ASAP1: variants seen among roughly 807,000 people sequenced by gnomAD.
ASAP1 encodes the protein ArfGAP with SH3 domain, ankyrin repeat and PH domain 1.
In ASAP1, 43 loss-of-function variants were observed where a neutral mutation model predicts 145.2. That is an observed-to-expected ratio of 0.30 (90% CI 0.23 to 0.38). The LOEUF (loss-of-function observed/expected upper bound fraction) is 0.38. ASAP1 is among the 10% of genes least tolerant of loss of function. The pLI is 1.00. For synonymous variants in ASAP1, 546 were observed against 515.5 expected (o/e 1.06, Z -0.80); for missense variants, 1,018 against 1,355.3 (o/e 0.75, Z 3.91).
At chr8:130,164,513 C>T (rs1031534211) in intron 11 of ASAP1, among the ~76,000 whole-genome samples, 2 of 152,154 alleles carry the variant, frequency 1.3e-5, no homozygotes, top group East Asian at 1.9e-4. Context: ...ATCACTTGAA[C>T]CTGGGAGGCA....
chr8:130,251,815 T>G (rs1179015895), intron 3 of ASAP1, among the ~76,000 whole-genome samples: 1 of 152,138 alleles, frequency 6.6e-6, no homozygotes, highest in Non-Finnish European at 1.5e-5. Context: ...AAATTCCACA[T>G]GGAACAATAA....
intron 24 of ASAP1, 23 bp from the exon 25 acceptor site, chr8:130,092,166 G>A: frequency 6.4e-7 from 1 of 1,558,554 alleles, no homozygotes; most frequent in East Asian, 2.5e-5. Context: ...TTGAATGGGG[G>A]CAGGAAGATT....
chr8:130,198,624 TGCTC>T (rs1053516654), intron 5 of ASAP1, among the ~76,000 whole-genome samples: 1 of 152,212 alleles, frequency 6.6e-6, no homozygotes, highest in African/African-American at 2.4e-5. Flanking sequence ...CTAAAGATAT[TGCTC>T]ACAACACCTC....
chr8:130,144,719 T>G (rs1252008147), intron 13 of ASAP1, among the ~76,000 whole-genome samples: 1 of 152,162 alleles, frequency 6.6e-6, no homozygotes, highest in Non-Finnish European at 1.5e-5. Flanking sequence ...GGGAAAAAGA[T>G]AAGTAGTGAT....
At chr8:130,216,145 T>C (rs1423488184) in intron 4 of ASAP1, among the ~76,000 whole-genome samples, 12 of 152,164 alleles carry the variant, frequency 7.9e-5, no homozygotes, top group Admixed American at 7.9e-4. Context: ...CAATCTTGGA[T>C]TGCAAAAGAA....
At chr8:130,060,136 G>A (rs962305739) in intron 28 of ASAP1, among the ~76,000 whole-genome samples, 1 of 146,660 alleles carries the variant, frequency 6.8e-6, no homozygotes, top group African/African-American at 2.6e-5. Context: ...CCAGAACCCC[G>A]AGAGGGAAAT....
chr8:130,153,790 AC>A (rs940824482), intron 12 of ASAP1, among the ~76,000 whole-genome samples: 3 of 152,168 alleles, frequency 2.0e-5, no homozygotes, highest in Non-Finnish European at 2.9e-5. Context: ...TAGGAAGGGG[AC>A]CCAAACCTGT....
At chr8:130,337,462 T>C (rs969193520) in intron 3 of ASAP1, among the ~76,000 whole-genome samples, 1 of 152,224 alleles carries the variant, frequency 6.6e-6, no homozygotes. Flanking sequence ...GAGAGCCCTG[T>C]TATAAACTGT....
chr8:130,063,545 C>G (rs965562190), intron 27 of ASAP1, among the ~76,000 whole-genome samples: 5 of 152,104 alleles, frequency 3.3e-5, no homozygotes, highest in Admixed American at 2.6e-4. Context: ...CAACTCTGGG[C>G]AGGAGAGAGA....
intron 26 of ASAP1, among the ~76,000 whole-genome samples, chr8:130,077,220 C>T (rs1797258696): frequency 6.6e-6 from 1 of 152,202 alleles, no homozygotes; most frequent in Admixed American, 6.5e-5. Context: ...GCCTTGCTTT[C>T]CTTTTGGAGG....
chr8:130,289,271 G>C (rs897013845), intron 3 of ASAP1, among the ~76,000 whole-genome samples: 1 of 152,010 alleles, frequency 6.6e-6, no homozygotes, highest in African/African-American at 2.4e-5. Flanking sequence ...ATGTTATAAT[G>C]AATAAGAAGG....
chr8:130,371,066 T>G (rs1827191925), intron 2 of ASAP1, among the ~76,000 whole-genome samples: 2 of 152,240 alleles, frequency 1.3e-5, no homozygotes, highest in Admixed American at 1.3e-4. Flanking sequence ...AATTTTAAAA[T>G]AACCACTATG....
At chr8:130,075,093 G>A (rs2097459347) in intron 27 of ASAP1, among the ~76,000 whole-genome samples, 1 of 152,228 alleles carries the variant, frequency 6.6e-6, no homozygotes, top group Non-Finnish European at 1.5e-5. Context: ...GCAGGCTGGA[G>A]AGGTAGGGTG....
chr8:130,319,167 C>T (rs185266643), intron 3 of ASAP1, among the ~76,000 whole-genome samples: 1 of 152,296 alleles, frequency 6.6e-6, no homozygotes, highest in Non-Finnish European at 1.5e-5. Flanking sequence ...GTGAAGAACA[C>T]TAAGATGGCA....
chr8:130,400,877 T>C (rs897663723), intron 2 of ASAP1, among the ~76,000 whole-genome samples: 1 of 151,826 alleles, frequency 6.6e-6, no homozygotes, highest in Non-Finnish European at 1.5e-5. Flanking sequence ...GTAAAATGAA[T>C]GTAGAAATTC....
At chr8:130,210,078 A>C (rs1272215843) in intron 5 of ASAP1, among the ~76,000 whole-genome samples, 2 of 152,242 alleles carry the variant, frequency 1.3e-5, no homozygotes, top group Non-Finnish European at 2.9e-5. Context: ...TTTATGTAGT[A>C]TCAAAGATTA....
At chr8:130,115,449 T>C in intron 23 of ASAP1, 179 bp downstream of exon 23, 1 of 572,262 alleles carries the variant, frequency 1.7e-6, no homozygotes, top group Non-Finnish European at 3.1e-6. Flanking sequence ...TCTGTTTCTC[T>C]GGACAACCTT....
At chr8:130,112,044 G>T in intron 24 of ASAP1, 50 bp downstream of exon 24, 1 of 1,530,900 alleles carries the variant, frequency 6.5e-7, no homozygotes, top group Non-Finnish European at 9.0e-7. Flanking sequence ...TGAGGATGGA[G>T]TCACAAGCCC....
intron 3 of ASAP1, among the ~76,000 whole-genome samples, chr8:130,346,609 T>G (rs1299884678): frequency 6.6e-6 from 1 of 152,230 alleles, no homozygotes; most frequent in African/African-American, 2.4e-5. Flanking sequence ...ATCAGCACAG[T>G]TCCCGGCATA....
Sources: allele counts gnomAD v4.1 joint callset (sites outside exome capture counted in the v4.1 genomes callset), GRCh38; gene constraint gnomAD v4.1.1; transcripts MANE v1.5; gene names NCBI Gene and HGNC (gene_info 2026-07-23, HGNC 2026-07-21).